The following PMS1 variants were observed in gnomAD, a reference collection of about 807,000 sequenced individuals.
PMS1 encodes PMS1 homolog 1, mismatch repair system component.
PMS1 carries 79 observed loss-of-function variants against 93.1 expected under a neutral mutation model. The observed-to-expected ratio is 0.85, with a 90% CI of 0.71 to 1.02. The LOEUF is 1.02. PMS1 is among the 50% of genes least tolerant of loss of function. PMS1 has a pLI of 0.00. For missense variants in PMS1, 1,064 were observed against 1,085.3 expected, an observed-to-expected ratio of 0.98 and a Z score of 0.28; for synonymous variants, 335 against 363.4, an observed-to-expected ratio of 0.92 and a Z score of 0.89.
chr2:189,805,625 G>A (rs746299939), intron 3 of PMS1, 27 bp from the exon 4 acceptor site: 1 of 1,543,200 alleles, frequency 6.5e-7, no homozygotes, highest in South Asian at 1.1e-5. Context: ...TAAAGTGTTA[G>A]TTTTATTAGA....
intron 5 of PMS1, among the ~76,000 whole-genome samples, chr2:189,825,047 C>G (rs1319686491): frequency 6.6e-6 from 1 of 151,998 alleles, no homozygotes; most frequent in South Asian, 2.1e-4. Flanking sequence ...GCATTAGAGA[C>G]AAACAATCAT....
chr2:189,877,303 C>A lies in PMS1; in HGVS notation c.2666C>A (p.Pro889His). The change falls in exon 13 of 13, where the codon CCC becomes CAC. Residue 889 changes from proline to histidine, a missense_variant. Pro to His is a moderately conservative substitution (Grantham distance 77, BLOSUM62 -2). Transcript: ENST00000441310. ...GCAGTGCGTCTATCCAGACAATTAC[C>A]CATGTACTTATCAAAAGAGGACATC... Reference protein sequence around the residue: ...GEAVRLSRQLPMYLSKEDIQD... With the variant: ...GEAVRLSRQLHMYLSKEDIQD... 1 of 1,613,550 alleles carries A rather than the reference C, an allele frequency of 6.2e-7. No individual in the cohort carries two copies. Among genetic ancestry groups the A allele is most frequent in the Non-Finnish European group, 8.5e-7 (1 of 1,179,496 alleles).
chr2:189,840,761 CA>C (rs1487375997), intron 5 of PMS1, among the ~76,000 whole-genome samples: 1 of 152,156 alleles, frequency 6.6e-6, no homozygotes, highest in Admixed American at 6.5e-5. Context: ...CAAAAATATT[CA>C]GACTTTAGGA....
At chr2:189,793,803 T>C (rs544362914) in intron 2 of PMS1, among the ~76,000 whole-genome samples, 47 of 152,382 alleles carry the variant, frequency 3.1e-4, no homozygotes, top group African/African-American at 1.1e-3. Context: ...ACACCTTAAA[T>C]GTGTGGCTCT....
At chr2:189,847,416 T>C (rs1480300303) in intron 6 of PMS1, among the ~76,000 whole-genome samples, 1 of 152,160 alleles carries the variant, frequency 6.6e-6, no homozygotes, top group African/African-American at 2.4e-5. Context: ...TTCCCGTCTT[T>C]AATTTTTTCC....
chr2:189,837,721 A>G (rs879601925), intron 5 of PMS1, among the ~76,000 whole-genome samples: 9 of 152,228 alleles, frequency 5.9e-5, no homozygotes, highest in Non-Finnish European at 1.3e-4. Flanking sequence ...ATGCCAACAT[A>G]AAAACATGAA....
At chr2:189,866,773 ATAACT>A (rs752331514) in intron 10 of PMS1, among the ~76,000 whole-genome samples, 2 of 152,240 alleles carry the variant, frequency 1.3e-5, no homozygotes, top group Non-Finnish European at 2.9e-5. Flanking sequence ...TAATGGTTAA[ATAACT>A]TAACTAGGCT....
chr2:189,812,767 G>C (rs953008755), intron 4 of PMS1, among the ~76,000 whole-genome samples: 5 of 152,102 alleles, frequency 3.3e-5, no homozygotes, highest in Admixed American at 3.3e-4. Context: ...AAGTTATATA[G>C]CTAAAAAGCC....
At chr2:189,799,362 C>T (rs765907195) in intron 3 of PMS1, among the ~76,000 whole-genome samples, 1 of 152,106 alleles carries the variant, frequency 6.6e-6, no homozygotes, top group Non-Finnish European at 1.5e-5. Flanking sequence ...ACACTAACAA[C>T]ACAATGAATT....
At chr2:189,835,957 A>G (rs1017824385) in intron 5 of PMS1, among the ~76,000 whole-genome samples, 6 of 130,008 alleles carry the variant, frequency 4.6e-5, no homozygotes, top group Admixed American at 1.5e-4. Flanking sequence ...TGTTTGGTGG[A>G]AAAAAAAAAA....
Position 189,852,725 on chromosome 2 carries a change from G to A in PMS1, c.770G>A (p.Arg257Lys), listed in dbSNP as rs2054873835. 6.3e-7 allele frequency: 1 copy of A among 1,595,896 alleles called. No homozygotes were observed. The highest frequency in any genetic ancestry group is 8.6e-7 in the Non-Finnish European group (1 of 1,163,762). ...TTCACTAGTCTTTCAACACCAGAAA[G>A]AAGTTTCATCTTCATAAACAGTCGA... ...HSFTSLSTPE[R>K]SFIFINSRPV... The change falls in exon 7 of 13, where the codon AGA (arginine) becomes AAA (lysine). Residue 257 changes from arginine (R) to lysine (K), a missense_variant. Transcript: ENST00000441310.
At chr2:189,855,654 A>C (rs1293141261) in intron 9 of PMS1, among the ~76,000 whole-genome samples, 1 of 151,974 alleles carries the variant, frequency 6.6e-6, no homozygotes, top group Admixed American at 6.6e-5. Context: ...GTATAACTTA[A>C]GGCTTGCTTC....
intron 4 of PMS1, among the ~76,000 whole-genome samples, chr2:189,814,515 C>CATAA (rs5743035): frequency 0.4 from 60,419 of 151,478 alleles, 15,150 homozygotes; most frequent in African/African-American, 0.72. Context: ...ATGTGTCTTC[C>CATAA]ATAAATAAAT....
At chr2:189,789,496 T>C (rs1022071999) in intron 1 of PMS1, among the ~76,000 whole-genome samples, 8 of 152,196 alleles carry the variant, frequency 5.3e-5, no homozygotes, top group African/African-American at 1.9e-4. Context: ...CAAAATATAC[T>C]GTATTTATGA....
At chr2:189,868,506 C>G (rs1377444070) in intron 11 of PMS1, among the ~76,000 whole-genome samples, 1 of 152,156 alleles carries the variant, frequency 6.6e-6, no homozygotes, top group African/African-American at 2.4e-5. Context: ...CTGGCCCCTT[C>G]TCTGTTCCTT....
rs190176654 is a variant in PMS1, at chr2:189,846,078, C to T, written c.699+1998C>T. 4.6e-5 allele frequency among the ~76,000 whole-genome samples: 7 copies of T among 152,194 alleles called. No homozygotes were observed. In the East Asian group the frequency reaches 9.7e-4, roughly 21 times the overall value. On this transcript the variant is annotated intron_variant, in intron 6 of 12. Coordinates refer to ENST00000441310, the MANE Select transcript of PMS1 (RefSeq NM_000534.5). ...AAGTAACTTCCACAGAAAGAGGGGA[C>T]ATGAGAGGTAATTTTTCATGTCTGT...
intron 9 of PMS1, chr2:189,857,623 T>TTTCCC: frequency 5.5e-6 from 2 of 365,334 alleles, no homozygotes; most frequent in South Asian, 4.5e-5. Context: ...CGATTCCTCC[T>TTTCCC]TTCCCTTCCC....
chr2:189,844,643 C>CAAAGA (rs2054096809), intron 6 of PMS1, among the ~76,000 whole-genome samples: 3 of 62,528 alleles, frequency 4.8e-5, no homozygotes, highest in African/African-American at 1.4e-4. Context: ...GATTCCATCT[C>CAAAGA]AAAAAAAAAA....
intron 4 of PMS1, chr2:189,806,758 G>C: frequency 5.0e-6 from 1 of 198,512 alleles, no homozygotes; most frequent in Middle Eastern, 1.7e-3. Flanking sequence ...ATCTCTTTAG[G>C]CTTCAGTTTC....
Sources: gnomAD v4.1 joint callset for allele counts (sites outside exome capture counted in the v4.1 genomes callset) on GRCh38, gnomAD v4.1.1 for gene constraint, MANE v1.5 for transcripts, NCBI Gene and HGNC (gene_info 2026-07-23, HGNC 2026-07-21) for gene names.